The following BBS5 variants were observed in gnomAD, a reference collection of about 807,000 sequenced individuals.
The protein encoded by BBS5 is Bardet-Biedl syndrome 5, also known as BBSome complex member BBS5.
BBS5 carries 39 observed loss-of-function variants against 50.2 expected under a neutral mutation model. That is an observed-to-expected ratio of 0.78 (90% confidence interval 0.60 to 1.01). BBS5 has a LOEUF of 1.01. BBS5 is among the 50% of genes least tolerant of loss of function. The pLI is 0.00. For synonymous variants in BBS5, 134 were observed against 133.1 expected (o/e 1.01, Z -0.05); for missense variants, 356 against 401.5 (o/e 0.89, Z 0.97).
At chr2:169,497,936 C>T (rs950636406) in intron 8 of BBS5, among the ~76,000 whole-genome samples, 1 of 152,174 alleles carries the variant, frequency 6.6e-6, no homozygotes, top group Non-Finnish European at 1.5e-5. Context: ...AGAATCAAGT[C>T]ATTGTGCCGA....
In BBS5 at chr2:169,503,071, A is replaced by G. The variant is rs879062770; in HGVS notation, c.817-24A>G. ...GTACATTTAATATTGTCTCTGATGC[A>G]TTTTAACATCTGCTGATTTTCAGCC... On this transcript the variant is annotated intron_variant, in intron 9 of 11. Coordinates refer to ENST00000295240, the MANE Select transcript of BBS5 (RefSeq NM_152384.3). The G allele has an allele frequency of 3.8e-6, 6 of 1,575,792 alleles. No individual in the cohort carries two copies. In the South Asian group the frequency reaches 5.6e-5, roughly 15 times the overall value.
At chr2:169,493,979 G>C (rs1311273986) in intron 7 of BBS5, 143 bp downstream of exon 7, 1 of 616,010 alleles carries the variant, frequency 1.6e-6, no homozygotes, top group African/African-American at 1.9e-5. Context: ...TAAAGATGCT[G>C]ATAATTTACT....
rs529553455 is a variant in BBS5, at chr2:169,488,081, C to G, written c.353C>G (p.Pro118Arg). 3 of 1,613,448 alleles carry G rather than the reference C, an allele frequency of 1.9e-6. No individual in the cohort carries two copies. Among genetic ancestry groups the G allele is most frequent in the African/African-American group, 2.7e-5 (2 of 74,980 alleles). The change falls in exon 5 of 12, where the codon CCT (proline) becomes CGT (arginine). Residue 118 changes from proline (P) to arginine (R), a missense_variant. Coordinates refer to ENST00000295240, the MANE Select transcript of BBS5 (RefSeq NM_152384.3). ...TTTACAAATTTGGTTCCTGGAAGCC[C>G]TAGACTTTTTACTTCTGTGATGGCA... ...FIFTNLVPGS[P>R]RLFTSVMAVH... is the part of the protein sequence containing the mutation.
In BBS5 at chr2:169,506,187, A is replaced by G. The variant is rs71208013; in HGVS notation, c.*1605A>G. 6.8e-6 allele frequency: 1 copy of G among 147,818 alleles called. No homozygotes were observed. The allele number at this position is 147,818 out of a possible 1,614,324, so 9.2% of individuals were successfully genotyped here. A position where few individuals can be genotyped will look rare whatever the true frequency, so the allele number is the denominator to read the frequency against. On this transcript the variant is annotated 3_prime_UTR_variant, in exon 12 of 12. Coordinates refer to ENST00000295240, the MANE Select transcript of BBS5 (RefSeq NM_152384.3). The stretch of plus-strand genomic sequence containing the variant: ...GGTCCGGGAGGGAGGTGGGGGGGTC[A>G]GCCCCCCGCCCGGCCAGCCGCCCCG...
At chr2:169,495,030 T>C (rs1277843086) in intron 7 of BBS5, among the ~76,000 whole-genome samples, 1 of 152,248 alleles carries the variant, frequency 6.6e-6, no homozygotes, top group Non-Finnish European at 1.5e-5. Flanking sequence ...TTCATTTTTA[T>C]GCCAAATTTT....
At chr2:169,498,903 G>T (rs758516143) in intron 8 of BBS5, 2 of 151,756 alleles carry the variant, frequency 1.3e-5, no homozygotes, top group Non-Finnish European at 2.9e-5. Context: ...AACATTAAAA[G>T]CGTGTGCTCT....
chr2:169,482,614 G>A (rs772032779), intron 2 of BBS5: 32 of 386,768 alleles, frequency 8.3e-5, no homozygotes, highest in Admixed American at 1.6e-4. Flanking sequence ...AGTTCTGACC[G>A]TTAGATCTGT....
intron 1 of BBS5, among the ~76,000 whole-genome samples, chr2:169,480,197 A>T (rs571653917): frequency 6.6e-6 from 1 of 152,216 alleles, no homozygotes; most frequent in South Asian, 2.1e-4. Flanking sequence ...GTCACCAACA[A>T]GAAGGAGTCT....
At chr2:169,485,028 AG>A (rs1683465555) in intron 2 of BBS5, among the ~76,000 whole-genome samples, 2 of 152,330 alleles carry the variant, frequency 1.3e-5, no homozygotes, top group Admixed American at 1.3e-4. Context: ...CCAAGAGCAA[AG>A]AAAAAGGCAA....
intron 1 of BBS5, among the ~76,000 whole-genome samples, chr2:169,481,038 A>G (rs1683383123): frequency 6.6e-6 from 1 of 152,212 alleles, no homozygotes; most frequent in Admixed American, 6.5e-5. Flanking sequence ...CAGTAACATT[A>G]GTAAACATTT....
In BBS5 at chr2:169,505,797, C is replaced by T. The variant is rs1183217154; in HGVS notation, c.*1215C>T. 1.8e-5 allele frequency: 3 copies of T among 170,834 alleles called. No homozygotes were observed. Among genetic ancestry groups the T allele is most frequent in the Non-Finnish European group, 3.7e-5 (3 of 80,876 alleles). 10.6% of individuals were successfully genotyped at this position (170,834 alleles called of 1,614,324 possible). ...GTCTGGGAAGTGAGGAGCGTCTCCGCCCGGCAGCCACCCAGTCCGGGAGGG... is the reference window on the plus strand; with the variant it reads ...GTCTGGGAAGTGAGGAGCGTCTCCGTCCGGCAGCCACCCAGTCCGGGAGGG... On this transcript the variant is annotated 3_prime_UTR_variant, in exon 12 of 12. Coordinates refer to ENST00000295240, the MANE Select transcript of BBS5 (RefSeq NM_152384.3).
chr2:169,498,686 T>G (rs1683740351), intron 8 of BBS5, among the ~76,000 whole-genome samples: 1 of 151,484 alleles, frequency 6.6e-6, no homozygotes, highest in Non-Finnish European at 1.5e-5. Flanking sequence ...GCACCTGTAG[T>G]CCCAGCTACT....
rs910210237 is a variant in BBS5 at position 169,503,168 on chromosome 2, A to T, written c.890A>T (p.Asp297Val). 1.3e-5 allele frequency: 21 copies of T among 1,612,770 alleles called. No individual in the cohort carries two copies. Among genetic ancestry groups the T allele is most frequent in the Non-Finnish European group, 1.7e-5 (20 of 1,178,942 alleles). The change falls in exon 10 of 12, where the codon GAT (aspartate) becomes GTT (valine). Residue 297 changes from aspartate to valine, a missense_variant. Physicochemically the swap from Asp to Val is radical, Grantham distance 152 (BLOSUM62 -3). Transcript: ENST00000295240. ...GAAATAGACTCTGATGGTCACACGG[A>T]TGCTTTTGTGGTGAGCATCACAAAG... ...DVEIDSDGHTDAFVAYFADGN... is the reference protein window; with the variant it reads ...DVEIDSDGHTVAFVAYFADGN...
rs373396081 is a variant in BBS5, at chr2:169,479,577, G to A, written c.24G>A (p.Trp8Ter). The change falls in exon 1 of 12, where the codon TGG (tryptophan) becomes TGA (stop). Residue 8 changes from tryptophan to a stop codon, truncating the protein, a stop_gained. Coordinates refer to ENST00000295240, the MANE Select transcript of BBS5 (RefSeq NM_152384.3). LOFTEE classifies it high-confidence loss of function. ...CCATGTCGGTGCTGGATGCGCTTTG[G>A]GAGGATCGGGATGTCCGTTTCGACC... Reference protein sequence around the residue: MSVLDALWEDRDVRFDLS... With the variant: MSVLDAL 2 of 1,614,052 alleles carry A rather than the reference G, an allele frequency of 1.2e-6. No individual in the cohort carries two copies. The highest frequency in any genetic ancestry group is 1.3e-5 in the African/African-American group (1 of 74,942).
chr2:169,488,540 A>G (rs1301671512), intron 5 of BBS5, among the ~76,000 whole-genome samples: 1 of 152,064 alleles, frequency 6.6e-6, no homozygotes, highest in African/African-American at 2.4e-5. Flanking sequence ...TTGCTTGCTC[A>G]CTCACCCCCC....
rs776922529 is a variant in BBS5 at position 169,497,601 on chromosome 2, GTTTTTC to G, written c.619-19_619-14del. ...CTATTCAGTTAATAAAAACTTGCATGTTTTTCTTTTTCATTTTGTATCTAGCGTTCA... is the reference window on the plus strand; with the variant it reads ...CTATTCAGTTAATAAAAACTTGCATGTTTTTCATTTTGTATCTAGCGTTCA... On this transcript the variant is annotated intron_variant, in intron 7 of 11. Transcript: ENST00000295240. 3.5e-6 allele frequency: 5 copies of G among 1,415,280 alleles called. No individual in the cohort carries two copies. Among genetic ancestry groups the G allele is most frequent in the Admixed American group, 3.4e-5 (2 of 58,968 alleles). The allele number at this position is 1,415,280 out of a possible 1,614,324, so 87.7% of individuals were successfully genotyped here.
intron 6 of BBS5, 78 bp downstream of exon 6, chr2:169,493,087 A>C (rs1683630344): frequency 6.7e-7 from 1 of 1,503,304 alleles, no homozygotes; most frequent in South Asian, 1.1e-5. Flanking sequence ...GGATTTATAT[A>C]GTCAATTCTA....
rs756793669 is a variant in BBS5, at chr2:169,492,852, TTTTG to T, written c.387-15_387-12del. The T allele has an allele frequency of 1.9e-4, 310 of 1,602,810 alleles. No homozygotes were observed. The highest frequency in any genetic ancestry group is 2.2e-4 in the Non-Finnish European group (262 of 1,173,312). On this transcript the variant is annotated intron_variant, in intron 5 of 11. Transcript: ENST00000295240. ...AATCACATTTTCAGTTTGAGTTGTC[TTTTG>T]TTTGTTCTTTTTCATAGAGCTTATG...
intron 6 of BBS5, 49 bp from the exon 7 acceptor site, chr2:169,493,692 A>G (rs748550637): frequency 7.9e-7 from 1 of 1,258,816 alleles, no homozygotes; most frequent in Non-Finnish European, 1.2e-6. Flanking sequence ...AATAAAGAAT[A>G]GGTACCAAAA....
Sources: allele counts gnomAD v4.1 joint callset (sites outside exome capture counted in the v4.1 genomes callset), GRCh38; gene constraint gnomAD v4.1.1; transcripts MANE v1.5; gene names NCBI Gene and HGNC (gene_info 2026-07-23, HGNC 2026-07-21).